The following SMAD9 variants were observed in gnomAD, a reference collection of about 807,000 sequenced individuals.
SMAD9 encodes SMAD family member 9.
In SMAD9, 36 loss-of-function variants were observed where a neutral mutation model predicts 46.1. That is an observed-to-expected ratio of 0.78 (90% CI 0.60 to 1.03). The LOEUF is 1.03. Ranked by LOEUF, SMAD9 falls within the 50% of genes least tolerant of loss-of-function variation. The pLI is 0.00. For synonymous variants in SMAD9, 245 were observed against 237.1 expected, an observed-to-expected ratio of 1.03 and a Z score of -0.31; for missense variants, 572 against 599.8, an observed-to-expected ratio of 0.95 and a Z score of 0.48.
In SMAD9 at chr13:36,846,805, A is replaced by T. The variant is rs1194261694; in HGVS notation, c.*1871T>A. The T allele has an allele frequency of 6.6e-6, 1 of 152,238 alleles. No homozygotes were observed. The highest frequency in any genetic ancestry group is 1.5e-5 in the Non-Finnish European group (1 of 68,044). The allele number at this position is 152,238 out of a possible 1,614,324, so 9.4% of individuals were successfully genotyped here. On this transcript the variant is annotated 3_prime_UTR_variant, in exon 7 of 7. Transcript: ENST00000379826. ...ATAAGAAATCAATCACATTCTTTCA[A>T]GCAAAAGATGATAGATTACATTATT... is the stretch of plus-strand genomic sequence containing the variant.
chr13:36,896,685 G>A (rs2138607745), intron 1 of SMAD9, among the ~76,000 whole-genome samples: 1 of 151,948 alleles, frequency 6.6e-6, no homozygotes, highest in Non-Finnish European at 1.5e-5. Context: ...AGAAAAATAT[G>A]GAAAAGTTCC....
intron 6 of SMAD9, among the ~76,000 whole-genome samples, chr13:36,852,769 A>T (rs1191432617): frequency 6.6e-6 from 1 of 152,204 alleles, no homozygotes; most frequent in Non-Finnish European, 1.5e-5. Context: ...ATTCACCAAC[A>T]TTCACTGAGT....
intron 1 of SMAD9, among the ~76,000 whole-genome samples, chr13:36,917,123 T>C (rs2138726358): frequency 6.6e-6 from 1 of 152,216 alleles, no homozygotes; most frequent in African/African-American, 2.4e-5. Flanking sequence ...AGTGTCAGGA[T>C]GAAGACCACC....
At chr13:36,866,074 G>A (rs140673673) in intron 4 of SMAD9, among the ~76,000 whole-genome samples, 88 of 152,180 alleles carry the variant, frequency 5.8e-4, no homozygotes, top group African/African-American at 1.9e-3. Context: ...AAAAACTGTC[G>A]GCCCTAAAGC....
chr13:36,863,685 T>C (rs957168918), intron 5 of SMAD9, among the ~76,000 whole-genome samples: 1 of 152,068 alleles, frequency 6.6e-6, no homozygotes, highest in Non-Finnish European at 1.5e-5. Context: ...CCAGATCAGT[T>C]TGTTAAAAAG....
At chr13:36,869,903 G>C (rs1196160691) in intron 3 of SMAD9, among the ~76,000 whole-genome samples, 1 of 152,018 alleles carries the variant, frequency 6.6e-6, no homozygotes, top group African/African-American at 2.4e-5. Flanking sequence ...TAACATATGA[G>C]AAACCACTGA....
chr13:36,911,915 T>C (rs1023608625), intron 1 of SMAD9, among the ~76,000 whole-genome samples: 1 of 152,028 alleles, frequency 6.6e-6, no homozygotes, highest in Non-Finnish European at 1.5e-5. Flanking sequence ...TCCATGTTGG[T>C]CAGGCTGGTC....
At chr13:36,867,508 C>A in intron 3 of SMAD9, 125 bp from the exon 4 acceptor site, 1 of 579,940 alleles carries the variant, frequency 1.7e-6, no homozygotes, top group Non-Finnish European at 3.0e-6. Flanking sequence ...ACAGAGAGAC[C>A]ATATTAATGT....
chr13:36,899,825 A>G (rs2058559186), intron 1 of SMAD9, among the ~76,000 whole-genome samples: 1 of 152,218 alleles, frequency 6.6e-6, no homozygotes, highest in Non-Finnish European at 1.5e-5. Context: ...GAATTATTAA[A>G]GTAGCCTTCT....
intron 1 of SMAD9, among the ~76,000 whole-genome samples, chr13:36,912,420 C>T (rs564221134): frequency 5.9e-5 from 9 of 152,266 alleles, no homozygotes; most frequent in African/African-American, 2.2e-4. Flanking sequence ...TGGTCCCTTT[C>T]CTCTATACTA....
At chr13:36,869,501 C>T (rs904900653) in intron 3 of SMAD9, among the ~76,000 whole-genome samples, 3 of 151,922 alleles carry the variant, frequency 2.0e-5, no homozygotes, top group East Asian at 2.0e-4. Context: ...GGATTACAGG[C>T]GGGAGCCACT....
intron 6 of SMAD9, chr13:36,849,517 C>T (rs1292471755): frequency 1.3e-5 from 2 of 152,044 alleles, no homozygotes; most frequent in Non-Finnish European, 2.9e-5. Context: ...GCTGCCTGAT[C>T]ACATTTTACT....
At chr13:36,896,696 TA>T (rs2058531408) in intron 1 of SMAD9, among the ~76,000 whole-genome samples, 1 of 152,144 alleles carries the variant, frequency 6.6e-6, no homozygotes, top group Non-Finnish European at 1.5e-5. Context: ...GAAAAGTTCC[TA>T]AAAAAGGCGG....
chr13:36,860,328 A>G (rs1294681639), intron 5 of SMAD9, among the ~76,000 whole-genome samples: 1 of 152,154 alleles, frequency 6.6e-6, no homozygotes, highest in African/African-American at 2.4e-5. Context: ...TCCAAAAACA[A>G]TGCAATGATT....
At chr13:36,888,592 T>G (rs2058466415) in intron 1 of SMAD9, among the ~76,000 whole-genome samples, 1 of 152,180 alleles carries the variant, frequency 6.6e-6, no homozygotes, top group African/African-American at 2.4e-5. Flanking sequence ...AGGCAAGTAT[T>G]TGGGCACTTA....
Position 36,890,057 on chromosome 13 carries a change from T to C in SMAD9, c.-186-10182A>G, listed in dbSNP as rs1466701602. The stretch of plus-strand genomic sequence containing the variant: ...CACAGACAGCTTTTTCAGGAATAAA[T>C]ATCCTTTTATTCAATGAACATTTAC... On this transcript the variant is annotated intron_variant, in intron 1 of 6. Transcript: ENST00000379826. Among the ~76,000 whole-genome samples the C allele has an allele frequency of 2.6e-5, 4 of 152,220 alleles. No homozygotes were observed. The East Asian group carries it at 7.7e-4, about 29-fold the overall frequency.
In SMAD9 at chr13:36,872,679, C is replaced by G. The variant is rs2138435553; in HGVS notation, c.649G>C (p.Glu217Gln). 6.2e-7 allele frequency: 1 copy of G among 1,614,038 alleles called. No homozygotes were observed. Among genetic ancestry groups the G allele is most frequent in the East Asian group, 2.2e-5 (1 of 44,840 alleles). Residue 217 changes from glutamate (E) to glutamine (Q), a missense_variant, in exon 3 of 7, where the codon GAG becomes CAG. Glu to Gln is a conservative substitution (Grantham distance 29). Coordinates refer to ENST00000379826, the MANE Select transcript of SMAD9 (RefSeq NM_001127217.3). ...PHSPGSPSEP[E>Q]SPYQHSVDTP... ...TGACCTGAGTGTTGATAGGGACTCT[C>G]TGGCTCAGAAGGACTTCCTGGGGAG...
chr13:36,861,760 C>T (rs917818676), intron 5 of SMAD9, among the ~76,000 whole-genome samples: 2 of 151,780 alleles, frequency 1.3e-5, no homozygotes, highest in African/African-American at 2.4e-5. Flanking sequence ...GAAACCCTTT[C>T]TCTACTAAAA....
intron 1 of SMAD9, among the ~76,000 whole-genome samples, chr13:36,917,643 G>C (rs889930910): frequency 1.6e-4 from 24 of 152,122 alleles, no homozygotes; most frequent in African/African-American, 5.8e-4. Context: ...TAGTATGTCT[G>C]GCAAATCAGA....
Sources: allele counts gnomAD v4.1 joint callset (sites outside exome capture counted in the v4.1 genomes callset), GRCh38; gene constraint gnomAD v4.1.1; transcripts MANE v1.5; gene names NCBI Gene and HGNC (gene_info 2026-07-23, HGNC 2026-07-21).